The following DIAPH3 variants were observed in gnomAD, a reference collection of about 807,000 sequenced individuals.
The protein encoded by DIAPH3 is diaphanous related formin 3.
In DIAPH3, 117 loss-of-function variants were observed where a neutral mutation model predicts 144.3. That is an observed-to-expected ratio of 0.81 (90% CI 0.70 to 0.95). DIAPH3 has a LOEUF of 0.95. Ranked by LOEUF, DIAPH3 falls within the 40% of genes least tolerant of loss-of-function variation. DIAPH3 has a pLI of 0.00. For synonymous variants in DIAPH3, 519 were observed against 488.9 expected (o/e 1.06, Z -0.81); for missense variants, 1,421 against 1,412.7 (o/e 1.01, Z -0.09).
chr13:59,994,481 G>A (rs929726469), intron 9 of DIAPH3, among the ~76,000 whole-genome samples: 1 of 151,800 alleles, frequency 6.6e-6, no homozygotes, highest in Non-Finnish European at 1.5e-5. Context: ...ATCGAGAAAC[G>A]TTAAAAAACT....
chr13:59,716,366 G>A (rs140351497), intron 27 of DIAPH3, among the ~76,000 whole-genome samples: 6,551 of 152,084 alleles, frequency 0.043, 233 homozygotes, highest in Admixed American at 0.11. Flanking sequence ...TAGTAGAGAC[G>A]GGGTTTCACC....
chr13:60,125,394 A>ATTTTTTTTTTTTTTTTTTTTTTTTTTT (rs56267083), intron 2 of DIAPH3, among the ~76,000 whole-genome samples: 8 of 97,866 alleles, frequency 8.2e-5, no homozygotes, highest in Non-Finnish European at 9.8e-5. Context: ...CACCCAGCTA[A>ATTTTTTTTTTTTTTTTTTTTTTTTTTT]TTTTTTTTTT....
In DIAPH3 at chr13:59,803,410, AAAGTG is replaced by A. The variant is rs1265056582; in HGVS notation, c.3163+7373_3163+7377del. 3.3e-5 allele frequency among the ~76,000 whole-genome samples: 5 copies of A among 152,224 alleles called. No homozygotes were observed. The East Asian group carries it at 9.6e-4, about 29-fold the overall frequency. ...TATTCCCAGAGAAGTTAAACAACAAAAAGTGAAGTTCAGAATATAGTAAATACCAT... is the reference window on the plus strand; with the variant it reads ...TATTCCCAGAGAAGTTAAACAACAAAAAGTTCAGAATATAGTAAATACCAT... On this transcript the variant is annotated intron_variant, in intron 25 of 27. Coordinates refer to ENST00000400324, the MANE Select transcript of DIAPH3 (RefSeq NM_001042517.2).
rs116417989 is a variant in DIAPH3, at chr13:60,103,483, A to C, written c.390+8527T>G. ...TCAGGTGGAAGGATATTCAACCAAA[A>C]AGGAAAAACACTACAGACAGGCAGA... is the stretch of plus-strand genomic sequence containing the variant. On this transcript the variant is annotated intron_variant, in intron 3 of 27. Transcript: ENST00000400324. Among the ~76,000 whole-genome samples the C allele has an allele frequency of 8.1e-3, 1,228 of 152,290 alleles. 19 individuals carry two copies. Among genetic ancestry groups the C allele is most frequent in the African/African-American group, 0.027 (1,142 of 41,560 alleles).
At chr13:60,099,559 A>C (rs530601103) in intron 3 of DIAPH3, among the ~76,000 whole-genome samples, 2 of 152,244 alleles carry the variant, frequency 1.3e-5, no homozygotes, top group East Asian at 3.9e-4. Context: ...GCCCAGGAAA[A>C]AGATCAAAAT....
intron 17 of DIAPH3, among the ~76,000 whole-genome samples, chr13:59,944,200 C>T (rs1465672353): frequency 1.3e-5 from 2 of 150,586 alleles, no homozygotes; most frequent in Admixed American, 6.7e-5. Flanking sequence ...GGTGACTGAG[C>T]ATGACACTGT....
chr13:60,037,867 A>G (rs1160649378), intron 5 of DIAPH3, among the ~76,000 whole-genome samples: 3 of 152,080 alleles, frequency 2.0e-5, no homozygotes, highest in African/African-American at 4.8e-5. Flanking sequence ...TTCCTAAAAT[A>G]CAAGGTATGA....
chr13:60,070,960 A>G (rs1418075863), intron 4 of DIAPH3, among the ~76,000 whole-genome samples: 1 of 152,200 alleles, frequency 6.6e-6, no homozygotes, highest in Non-Finnish European at 1.5e-5. Flanking sequence ...AATTGACATT[A>G]TTATTTAAAT....
chr13:59,799,664 A>G (rs1378618943), intron 25 of DIAPH3, among the ~76,000 whole-genome samples: 1 of 152,212 alleles, frequency 6.6e-6, no homozygotes, highest in Non-Finnish European at 1.5e-5. Context: ...TGTACAGTTG[A>G]GGAGTTTTTG....
intron 27 of DIAPH3, among the ~76,000 whole-genome samples, chr13:59,748,264 T>C (rs2036803116): frequency 6.6e-6 from 1 of 152,240 alleles, no homozygotes; most frequent in Non-Finnish European, 1.5e-5. Context: ...AAAAGAACTT[T>C]GGCAGAGTGA....
At chr13:59,690,166 C>A in intron 27 of DIAPH3, among the ~76,000 whole-genome samples, 1 of 152,052 alleles carries the variant, frequency 6.6e-6, no homozygotes, top group East Asian at 1.9e-4. Flanking sequence ...CATTAAAAGT[C>A]CAAAATTCAG....
intron 27 of DIAPH3, among the ~76,000 whole-genome samples, chr13:59,716,140 C>T (rs193110311): frequency 1.3e-5 from 2 of 152,028 alleles, no homozygotes; most frequent in Admixed American, 6.5e-5. Context: ...GCCTTTCTTA[C>T]ATTTACAGGA....
At chr13:59,699,795 C>T (rs549233113) in intron 27 of DIAPH3, among the ~76,000 whole-genome samples, 74 of 152,138 alleles carry the variant, frequency 4.9e-4, no homozygotes, top group Non-Finnish European at 9.1e-4. Context: ...TATTTTTCTT[C>T]CAAACTTGAG....
At chr13:60,073,745 T>C (rs957020747) in intron 4 of DIAPH3, among the ~76,000 whole-genome samples, 3 of 152,214 alleles carry the variant, frequency 2.0e-5, no homozygotes, top group Admixed American at 2.0e-4. Flanking sequence ...TTTCCAAGAC[T>C]TTAAGTTCTG....
intron 18 of DIAPH3, among the ~76,000 whole-genome samples, chr13:59,919,937 T>G (rs751716177): frequency 1.6e-4 from 24 of 152,148 alleles, no homozygotes; most frequent in Non-Finnish European, 3.4e-4. Context: ...AATTAATATG[T>G]AGTTTTATTT....
At chr13:59,668,116 A>G (rs2032129331) in intron 27 of DIAPH3, among the ~76,000 whole-genome samples, 1 of 152,226 alleles carries the variant, frequency 6.6e-6, no homozygotes. Context: ...GGCAACTGTT[A>G]CTCAAAAATC....
rs1296505830 is a variant in DIAPH3 at position 59,749,260 on chromosome 13, C to T, written c.3319+24929G>A. On this transcript the variant is annotated intron_variant, in intron 27 of 27. Coordinates refer to ENST00000400324, the MANE Select transcript of DIAPH3 (RefSeq NM_001042517.2). ...GTACGGCCGGGTGCAGTGGCTCACGCCTGTAATCCCAGCACTTTGGGAGGC... is the reference window on the plus strand; with the variant it reads ...GTACGGCCGGGTGCAGTGGCTCACGTCTGTAATCCCAGCACTTTGGGAGGC... Among the ~76,000 whole-genome samples the T allele has an allele frequency of 8.3e-5, 12 of 145,248 alleles. No homozygotes were observed. The East Asian group carries it at 2.2e-3, about 27-fold the overall frequency.
chr13:59,669,727 G>C (rs1294265558), intron 27 of DIAPH3, among the ~76,000 whole-genome samples: 2 of 152,056 alleles, frequency 1.3e-5, no homozygotes, highest in African/African-American at 4.8e-5. Context: ...TATGAGGTGG[G>C]GGGAATCTCT....
At chr13:59,737,536 A>G (rs1566241903) in intron 27 of DIAPH3, among the ~76,000 whole-genome samples, 1 of 152,208 alleles carries the variant, frequency 6.6e-6, no homozygotes, top group African/African-American at 2.4e-5. Flanking sequence ...TCAGCCTCAG[A>G]GTATAAAAAA....
Sources: allele counts gnomAD v4.1 joint callset (sites outside exome capture counted in the v4.1 genomes callset), GRCh38; gene constraint gnomAD v4.1.1; transcripts MANE v1.5; gene names NCBI Gene and HGNC (gene_info 2026-07-23, HGNC 2026-07-21).